ADAM8: variants seen among roughly 807,000 people sequenced by gnomAD.
ADAM8 encodes disintegrin and metalloproteinase domain-containing protein 8.
In ADAM8, 104 loss-of-function variants were observed where a neutral mutation model predicts 102.4. The ratio of observed to expected loss-of-function variants is 1.02; its 90% CI spans 0.87 to 1.20. ADAM8 has a LOEUF of 1.20. ADAM8 is among the 50% of genes most tolerant of loss of function. ADAM8 has a pLI of 0.00. For missense variants in ADAM8, 1,132 were observed against 1,159.0 expected, an observed-to-expected ratio of 0.98 and a Z score of 0.34; for synonymous variants, 517 against 485.2, an observed-to-expected ratio of 1.07 and a Z score of -0.86.
intron 21 of ADAM8, among the ~76,000 whole-genome samples, chr10:133,266,655 A>C (rs1846330268): frequency 6.6e-6 from 1 of 152,166 alleles, no homozygotes; most frequent in East Asian, 1.9e-4. Context: ...CGATGGTACC[A>C]CTGGGGCCCC....
At position 133,270,949 on chromosome 10, in the gene ADAM8, G is replaced by C; in HGVS notation, c.1496C>G (p.Ser499Cys). 1 of 1,612,818 alleles carries C rather than the reference G, an allele frequency of 6.2e-7. No individual in the cohort carries two copies. The highest frequency in any genetic ancestry group is 8.5e-7 in the Non-Finnish European group (1 of 1,179,934). Residue 499 changes from serine to cysteine, a missense_variant, in exon 14 of 23, where the codon TCC becomes TGC. Ser to Cys is a moderately radical substitution (Grantham distance 112). Transcript: ENST00000445355. Reference sequence around the variant, plus strand: ...GGCCCCGTTGTAGCAGTAGCCCCCGGAGCAGGGCGTGCCGTTCTCCTGGAA... The same window carrying C: ...GGCCCCGTTGTAGCAGTAGCCCCCGCAGCAGGGCGTGCCGTTCTCCTGGAA... ...DAFQENGTPC[S>C]GGYCYNGACP...
chr10:133,274,339 C>T lies in ADAM8; in HGVS notation c.151-104G>A, dbSNP rs538801197. The stretch of plus-strand genomic sequence containing the variant: ...CAGCTGGGGGGGAAGGGGTGCCGGC[C>T]TCCAGCCCCAGGTCAAGGCTCCATC... On this transcript the variant is annotated intron_variant, in intron 2 of 22. Transcript: ENST00000445355. The T allele has an allele frequency of 8.5e-5, 94 of 1,100,372 alleles. No homozygotes were observed. The African/African-American group carries it at 1.2e-3, about 14-fold the overall frequency. The allele number at this position is 1,100,372 out of a possible 1,614,324, so 68.2% of individuals were successfully genotyped here. A position where few individuals can be genotyped will look rare whatever the true frequency, so the allele number is the denominator to read the frequency against.
At chr10:133,267,197 T>C (rs760844426) in intron 21 of ADAM8, among the ~76,000 whole-genome samples, 155 bp downstream of exon 21, 1 of 152,140 alleles carries the variant, frequency 6.6e-6, no homozygotes, top group South Asian at 2.1e-4. Context: ...TGCCTTTCTG[T>C]CTGATGTCCT....
intron 1 of ADAM8, among the ~76,000 whole-genome samples, chr10:133,276,282 CAA>C (rs1846748400): frequency 6.6e-6 from 1 of 152,204 alleles, no homozygotes; most frequent in Non-Finnish European, 1.5e-5. Context: ...CACCCCAGCC[CAA>C]GTCACTCCAG....
chr10:133,272,770 C>T, intron 8 of ADAM8, 28 bp downstream of exon 8: 2 of 1,588,378 alleles, frequency 1.3e-6, no homozygotes, highest in Non-Finnish European at 1.7e-6. Flanking sequence ...GGGGCTCTGG[C>T]ACCTCTGCAG....
intron 21 of ADAM8, chr10:133,263,998 T>C (rs1589799329): frequency 2.5e-6 from 1 of 407,502 alleles, no homozygotes. Flanking sequence ...ACCTGCCCAG[T>C]ACACCATCCA....
chr10:133,270,918 G>A lies in ADAM8; in HGVS notation c.1527C>T (p.Pro509=). The A allele has an allele frequency of 6.2e-7, 1 of 1,612,620 alleles. No individual in the cohort carries two copies. Among genetic ancestry groups the A allele is most frequent in the Non-Finnish European group, 8.5e-7 (1 of 1,179,856 alleles). The change falls in exon 14 of 23, where the codon CCC becomes CCT. Residue 509 remains proline (P), a synonymous_variant. Transcript: ENST00000445355. ...AGGCCTGGCACTGCTGGGCCAGTGT[G>A]GGACAGGCCCCGTTGTAGCAGTAGC... ...SGGYCYNGAC[P]TLAQQCQAFW...
intron 3 of ADAM8, 25 bp downstream of exon 3, chr10:133,274,134 G>C: frequency 1.3e-5 from 20 of 1,583,480 alleles, no homozygotes; most frequent in Non-Finnish European, 1.7e-5. Context: ...GCCCGGGCAG[G>C]GGGGCCGACC....
At chr10:133,275,906 G>T in intron 1 of ADAM8, 1 of 302,218 alleles carries the variant, frequency 3.3e-6, no homozygotes, top group South Asian at 1.1e-4. Flanking sequence ...GGGCAAGGAT[G>T]AACCTTCCCC....
intron 8 of ADAM8, 59 bp from the exon 9 acceptor site, chr10:133,272,644 G>T: frequency 6.4e-7 from 1 of 1,558,982 alleles, no homozygotes. Flanking sequence ...CAGCAGGGAG[G>T]GTGGGTGGCG....
rs532707782 is a variant in ADAM8, at chr10:133,267,936, G to A, written c.2246C>T (p.Pro749Leu). 2.4e-6 allele frequency: 3 copies of A among 1,260,652 alleles called. No individual in the cohort carries two copies. The highest frequency in any genetic ancestry group is 3.8e-5 in the Admixed American group (1 of 26,474). 78.1% of individuals were successfully genotyped at this position (1,260,652 alleles called of 1,614,324 possible). The stretch of plus-strand genomic sequence containing the variant: ...GCCAGGGGTGGTGCTTACAGCAGGG[G>A]GCGGCCTCTTCAGAGCCACCGAGGA... ...PASSVALKRP[P>L]PAPPVTVSSP... Residue 749 changes from proline (P) to leucine (L), a missense_variant, in exon 20 of 23, where the codon CCC becomes CTC. Pro to Leu is a moderately conservative substitution (Grantham distance 98). Coordinates refer to ENST00000445355, the MANE Select transcript of ADAM8 (RefSeq NM_001109.5).
rs373639267 is a variant in ADAM8, at chr10:133,273,842, C to T, written c.307-4G>A. On this transcript the variant is annotated splice_region_variant and splice_polypyrimidine_tract_variant and intron_variant, in intron 4 of 22. Transcript: ENST00000445355. ...GGCCCTGGTAGAAGCAGTGGTCCTGCGGGGGAAGCAGGAGAGGGGTCCACA... is the reference window on the plus strand; with the variant it reads ...GGCCCTGGTAGAAGCAGTGGTCCTGTGGGGGAAGCAGGAGAGGGGTCCACA... 490 of 1,549,036 alleles carry T rather than the reference C, an allele frequency of 3.2e-4. No homozygotes were observed. Among genetic ancestry groups the T allele is most frequent in the Non-Finnish European group, 3.8e-4 (433 of 1,146,986 alleles).
rs1428264893 is a variant in ADAM8, at chr10:133,272,226, G to A, written c.924C>T (p.Ala308=). The change falls in exon 10 of 23, where the codon GCC becomes GCT. Residue 308 remains alanine (A), a synonymous_variant. Coordinates refer to ENST00000445355, the MANE Select transcript of ADAM8 (RefSeq NM_001109.5). ...CAGCCCCTGAGCTGTGGGAGCACAT[G>A]GCGGACACCCTGGCAAACCCCACGG... ...GTTVGFARVS[A]MCSHSSGAVN... 1.9e-6 allele frequency: 3 copies of A among 1,549,084 alleles called. No homozygotes were observed. Among genetic ancestry groups the A allele is most frequent in the East Asian group, 4.9e-5 (2 of 40,894 alleles).
At chr10:133,269,555 C>T (rs764993416) in intron 17 of ADAM8, 26 bp from the exon 18 acceptor site, 2 of 1,573,050 alleles carry the variant, frequency 1.3e-6, no homozygotes, top group Non-Finnish European at 8.6e-7. Flanking sequence ...GGCTCAGGGC[C>T]AACCCTGTTG....
chr10:133,263,896 T>G, intron 21 of ADAM8, 131 bp from the exon 22 acceptor site: 1 of 770,922 alleles, frequency 1.3e-6, no homozygotes, highest in Admixed American at 3.9e-5. Context: ...GCCTGCAGGC[T>G]CCGCCCCCAC....
intron 18 of ADAM8, chr10:133,269,081 G>A: frequency 1.0e-6 from 1 of 985,482 alleles, no homozygotes; most frequent in Non-Finnish European, 1.2e-6. Flanking sequence ...GGGCACGGCT[G>A]TGCCTTTGAG....
At chr10:133,268,612 G>A (rs893749119) in intron 19 of ADAM8, 136 bp downstream of exon 19, 1 of 959,034 alleles carries the variant, frequency 1.0e-6, no homozygotes, top group Non-Finnish European at 1.5e-6. Context: ...AAGCCGGGGG[G>A]CGTCATGACG....
At position 133,270,522 on chromosome 10, in the gene ADAM8, C is replaced by A; in HGVS notation, c.1635-12G>T. ...CACACATGTCAGCCCTGTGGATGGA[C>A]GGCAGGTCGTGGGCCAGCTTGCCTG... On this transcript the variant is annotated splice_polypyrimidine_tract_variant and intron_variant, in intron 15 of 22. Coordinates refer to ENST00000445355, the MANE Select transcript of ADAM8 (RefSeq NM_001109.5). The A allele has an allele frequency of 6.3e-7, 1 of 1,578,068 alleles. No homozygotes were observed. Among genetic ancestry groups the A allele is most frequent in the Admixed American group, 1.7e-5 (1 of 58,332 alleles).
At chr10:133,272,337 AG>A in intron 9 of ADAM8, 63 bp from the exon 10 acceptor site, 1 of 483,220 alleles carries the variant, frequency 2.1e-6, no homozygotes, top group South Asian at 2.7e-5. Context: ...CTCCCACCCC[AG>A]CCCTGCTCTC....
Sources: gnomAD v4.1 joint callset for allele counts (sites outside exome capture counted in the v4.1 genomes callset) on GRCh38, gnomAD v4.1.1 for gene constraint, MANE v1.5 for transcripts, NCBI Gene and HGNC (gene_info 2026-07-23, HGNC 2026-07-21) for gene names.